NALF1: variants seen among roughly 807,000 people sequenced by gnomAD.
The protein encoded by NALF1 is NALCN channel auxiliary factor 1, also known as family with sequence similarity 155 member A.
NALF1 carries 3 observed loss-of-function variants against 48.4 expected under a neutral mutation model. The observed-to-expected ratio is 0.06, with a 90% CI of 0.03 to 0.16. The LOEUF is 0.16. Ranked by LOEUF, NALF1 falls within the 10% of genes least tolerant of loss-of-function variation. The pLI, the probability that NALF1 is intolerant of heterozygous loss-of-function variation, is 1.00. For synonymous variants in NALF1, 262 were observed against 245.7 expected (o/e 1.07, Z -0.62); for missense variants, 526 against 571.5 (o/e 0.92, Z 0.81).
At chr13:107,442,122 G>T (rs1178126271) in intron 1 of NALF1, among the ~76,000 whole-genome samples, 5 of 152,074 alleles carry the variant, frequency 3.3e-5, no homozygotes, top group Non-Finnish European at 7.4e-5. Context: ...TGGTGAGCAT[G>T]GCAGGCAGCC....
rs1880603772 is a variant in NALF1 at position 107,657,192 on chromosome 13, A to G, written c.915+208490T>C. Reference sequence around the variant, plus strand: ...GAAATAAAAAAAAAATTAAACAAAAATTTAAGTTACATTTTCAGTTTCAAA... The same window carrying G: ...GAAATAAAAAAAAAATTAAACAAAAGTTTAAGTTACATTTTCAGTTTCAAA... On this transcript the variant is annotated intron_variant, in intron 1 of 2. Coordinates refer to ENST00000375915, the MANE Select transcript of NALF1 (RefSeq NM_001080396.3). 2.0e-5 allele frequency among the ~76,000 whole-genome samples: 3 copies of G among 152,106 alleles called. No individual in the cohort carries two copies. In the South Asian group the frequency reaches 6.2e-4, roughly 32 times the overall value.
At chr13:107,239,751 G>A (rs1007587777) in intron 1 of NALF1, among the ~76,000 whole-genome samples, 12 of 152,190 alleles carry the variant, frequency 7.9e-5, no homozygotes, top group Admixed American at 3.3e-4. Flanking sequence ...GAGCTCAGAA[G>A]AGAGACTGGG....
intron 1 of NALF1, among the ~76,000 whole-genome samples, chr13:107,774,343 A>G (rs1047993762): frequency 1.3e-5 from 2 of 152,342 alleles, no homozygotes; most frequent in East Asian, 1.9e-4. Context: ...AGGGAAATGA[A>G]GTCCACAGGC....
intron 1 of NALF1, among the ~76,000 whole-genome samples, chr13:107,595,181 C>G (rs979840698): frequency 6.6e-6 from 1 of 152,100 alleles, no homozygotes; most frequent in Non-Finnish European, 1.5e-5. Flanking sequence ...TTTAAATCAA[C>G]ACTTTCAACC....
chr13:107,831,298 T>C (rs1879719852), intron 1 of NALF1, among the ~76,000 whole-genome samples: 1 of 152,204 alleles, frequency 6.6e-6, no homozygotes, highest in African/African-American at 2.4e-5. Flanking sequence ...ACATGTATAC[T>C]GTGCCTTGAG....
chr13:107,501,652 T>C (rs572097584), intron 1 of NALF1, among the ~76,000 whole-genome samples: 119 of 152,284 alleles, frequency 7.8e-4, no homozygotes, highest in Middle Eastern at 3.4e-3. Context: ...AATTTTACTT[T>C]CTGTTGAATG....
intron 1 of NALF1, among the ~76,000 whole-genome samples, chr13:107,832,489 G>A (rs1879767792): frequency 6.6e-6 from 1 of 151,966 alleles, no homozygotes; most frequent in East Asian, 1.9e-4. Flanking sequence ...ACCCCAGTTG[G>A]ATCCCACAAG....
intron 2 of NALF1, among the ~76,000 whole-genome samples, chr13:107,188,326 G>GT (rs1250832107): frequency 1.3e-5 from 2 of 151,676 alleles, no homozygotes; most frequent in Admixed American, 6.6e-5. Context: ...TTTCTCAAAG[G>GT]TAAAAAATTG....
chr13:107,773,967 C>T (rs1196059662), intron 1 of NALF1, among the ~76,000 whole-genome samples: 6 of 151,962 alleles, frequency 3.9e-5, no homozygotes. Flanking sequence ...TTTGATCCTG[C>T]TGCAGATAGA....
intron 1 of NALF1, among the ~76,000 whole-genome samples, chr13:107,667,056 T>C (rs1880877879): frequency 1.3e-5 from 2 of 152,092 alleles, no homozygotes. Flanking sequence ...AATTACACTA[T>C]TTCAAATAAT....
At chr13:107,804,011 A>G (rs900670842) in intron 1 of NALF1, among the ~76,000 whole-genome samples, 4 of 152,164 alleles carry the variant, frequency 2.6e-5, no homozygotes, top group Admixed American at 2.6e-4. Context: ...CCAGCATCAC[A>G]GTCAATTGCC....
chr13:107,557,293 G>T (rs1042032587), intron 1 of NALF1, among the ~76,000 whole-genome samples: 4 of 152,154 alleles, frequency 2.6e-5, no homozygotes, highest in African/African-American at 9.7e-5. Flanking sequence ...AGTCCATGTT[G>T]AATTCTTAAA....
At chr13:107,779,861 T>C (rs1376285330) in intron 1 of NALF1, among the ~76,000 whole-genome samples, 1 of 152,190 alleles carries the variant, frequency 6.6e-6, no homozygotes, top group African/African-American at 2.4e-5. Context: ...CCCCTTTTCA[T>C]TTCATGCTTG....
chr13:107,238,843 G>C, intron 1 of NALF1, among the ~76,000 whole-genome samples: 1 of 152,158 alleles, frequency 6.6e-6, no homozygotes, highest in African/African-American at 2.4e-5. Context: ...GACTTAGCTT[G>C]ACTTTGAAGA....
chr13:107,526,373 A>G (rs1324503160), intron 1 of NALF1, among the ~76,000 whole-genome samples: 2 of 152,128 alleles, frequency 1.3e-5, no homozygotes, highest in African/African-American at 4.8e-5. Context: ...TGATGCCTTT[A>G]TCTCTTAATT....
At chr13:107,227,776 A>T (rs943871410) in intron 1 of NALF1, among the ~76,000 whole-genome samples, 4 of 152,234 alleles carry the variant, frequency 2.6e-5, no homozygotes, top group Non-Finnish European at 4.4e-5. Flanking sequence ...TGGAGAAGAG[A>T]ATGTATTTGC....
chr13:107,553,972 G>C (rs971308411), intron 1 of NALF1, among the ~76,000 whole-genome samples: 12 of 152,338 alleles, frequency 7.9e-5, no homozygotes, highest in African/African-American at 2.6e-4. Context: ...AGAGTCATCA[G>C]TCAGATTCTC....
At chr13:107,431,638 C>T (rs1356781439) in intron 1 of NALF1, among the ~76,000 whole-genome samples, 2 of 152,146 alleles carry the variant, frequency 1.3e-5, no homozygotes, top group Non-Finnish European at 1.5e-5. Context: ...GATGCTAGCC[C>T]GTCATGGTCT....
intron 1 of NALF1, among the ~76,000 whole-genome samples, chr13:107,412,866 A>C (rs994997389): frequency 6.6e-6 from 1 of 152,220 alleles, no homozygotes; most frequent in African/African-American, 2.4e-5. Flanking sequence ...TTTAGACTGC[A>C]TGAACTTACA....
Sources: gnomAD v4.1 joint callset for allele counts (sites outside exome capture counted in the v4.1 genomes callset) on GRCh38, gnomAD v4.1.1 for gene constraint, MANE v1.5 for transcripts, NCBI Gene and HGNC (gene_info 2026-07-23, HGNC 2026-07-21) for gene names.